Variants in AUTS2 observed in about 807,000 individuals in gnomAD.
AUTS2 encodes the protein autism susceptibility gene 2 protein.
In AUTS2, 17 loss-of-function variants were observed where a neutral mutation model predicts 112.4. That is an observed-to-expected ratio of 0.15 (90% CI 0.10 to 0.23). AUTS2 has a LOEUF of 0.23. AUTS2 is among the 10% of genes least tolerant of loss of function. The pLI, the probability that AUTS2 is intolerant of heterozygous loss-of-function variation, is 1.00. For synonymous variants in AUTS2, 751 were observed against 702.7 expected (o/e 1.07, Z -1.09); for missense variants, 1,510 against 1,701.6 (o/e 0.89, Z 1.98).
chr7:70,580,083 C>T (rs891950602), intron 5 of AUTS2, among the ~76,000 whole-genome samples: 4 of 152,094 alleles, frequency 2.6e-5, no homozygotes, highest in East Asian at 1.9e-4. Flanking sequence ...TGCCTTCGAA[C>T]GTAACCAGCA....
chr7:69,965,841 C>T (rs144868238), intron 2 of AUTS2, among the ~76,000 whole-genome samples: 2 of 152,212 alleles, frequency 1.3e-5, no homozygotes, highest in East Asian at 3.9e-4. Context: ...ATGCAGATCT[C>T]GTAAGACACA....
At chr7:70,452,237 C>T (rs747407187) in intron 5 of AUTS2, among the ~76,000 whole-genome samples, 2 of 152,112 alleles carry the variant, frequency 1.3e-5, no homozygotes. Context: ...GTAATCCCAG[C>T]ACTTTGGGAG....
chr7:70,594,965 G>T (rs938541819), intron 5 of AUTS2, among the ~76,000 whole-genome samples: 10 of 152,178 alleles, frequency 6.6e-5, no homozygotes, highest in African/African-American at 2.4e-4. Flanking sequence ...GTCGGGCGTG[G>T]TGGCACATGC....
Position 70,791,720 on chromosome 7 carries a change from T to C in AUTS2, c.*724T>C, listed in dbSNP as rs1034490351. ...AACAAGCGCTTACGTGATATGACTC[T>C]GTTTTCCTTGCTTGTTTTTTTTCAA... is the stretch of plus-strand genomic sequence containing the variant. On this transcript the variant is annotated 3_prime_UTR_variant, in exon 19 of 19. Coordinates refer to ENST00000342771, the MANE Select transcript of AUTS2 (RefSeq NM_015570.4). 4.6e-5 allele frequency: 7 copies of C among 152,582 alleles called. No individual in the cohort carries two copies. Among genetic ancestry groups the C allele is most frequent in the African/African-American group, 1.7e-4 (7 of 41,576 alleles). 9.5% of individuals were successfully genotyped at this position (152,582 alleles called of 1,614,324 possible). A position where few individuals can be genotyped will look rare whatever the true frequency, so the allele number is the denominator to read the frequency against.
At chr7:70,754,934 C>T (rs925355883) in intron 6 of AUTS2, among the ~76,000 whole-genome samples, 4 of 152,074 alleles carry the variant, frequency 2.6e-5, no homozygotes, top group African/African-American at 4.8e-5. Flanking sequence ...TAGGAGACTT[C>T]GTAACAGAAT....
chr7:70,502,816 C>T (rs1231274977), intron 5 of AUTS2, among the ~76,000 whole-genome samples: 4 of 152,146 alleles, frequency 2.6e-5, no homozygotes, highest in Admixed American at 6.5e-5. Context: ...TGTTCTGAAG[C>T]GGATGTGTTT....
At position 70,781,696 on chromosome 7, in the gene AUTS2, T is replaced by C. The variant is rs1791094362; in HGVS notation, c.2086T>C (p.Phe696Leu). Residue 696 changes from phenylalanine to leucine, a missense_variant, in exon 15 of 19, where the codon TTT (phenylalanine) becomes CTT (leucine). This residue lies in a region of AUTS2 where 187 missense variants were observed against 309.7 expected (regional missense o/e 0.60). Coordinates refer to ENST00000342771, the MANE Select transcript of AUTS2 (RefSeq NM_015570.4). ...GAGCCGCCCTCCAGGCCCCAGTCTT[T>C]TTGGAGCCATCCACCACCCCCATGA... Reference protein sequence around the residue: ...FLSRPPGPSLFGAIHHPHDLA... With the variant: ...FLSRPPGPSLLGAIHHPHDLA... 1 of 1,614,044 alleles carries C rather than the reference T, an allele frequency of 6.2e-7. No homozygotes were observed. Among genetic ancestry groups the C allele is most frequent in the South Asian group, 1.1e-5 (1 of 91,088 alleles).
chr7:69,922,386 A>G (rs1051640405), intron 2 of AUTS2, among the ~76,000 whole-genome samples: 2 of 152,246 alleles, frequency 1.3e-5, no homozygotes, highest in African/African-American at 4.8e-5. Flanking sequence ...TTTATCTGCT[A>G]AAACAGGTAG....
At chr7:70,050,718 G>C (rs1308472791) in intron 2 of AUTS2, among the ~76,000 whole-genome samples, 1 of 152,180 alleles carries the variant, frequency 6.6e-6, no homozygotes, top group Non-Finnish European at 1.5e-5. Context: ...ATTGAAGCCA[G>C]GCGCGGTGGC....
intron 5 of AUTS2, among the ~76,000 whole-genome samples, chr7:70,640,033 T>A: frequency 6.6e-6 from 1 of 152,132 alleles, no homozygotes; most frequent in Non-Finnish European, 1.5e-5. Context: ...TGGCTGAGCC[T>A]TTTTAGGGAT....
intron 9 of AUTS2, 111 bp from the exon 10 acceptor site, chr7:70,767,913 T>TG (rs778744395): frequency 2.6e-5 from 26 of 981,270 alleles, no homozygotes; most frequent in African/African-American, 1.6e-4. Context: ...AATGAGGTTA[T>TG]GGGGTCTCAT....
chr7:70,711,516 G>A (rs993871491), intron 6 of AUTS2, among the ~76,000 whole-genome samples: 1 of 152,118 alleles, frequency 6.6e-6, no homozygotes, highest in Non-Finnish European at 1.5e-5. Flanking sequence ...ACAAATAATT[G>A]GGTGAAACAA....
chr7:70,172,349 C>T (rs938521207), intron 4 of AUTS2, among the ~76,000 whole-genome samples: 22 of 152,194 alleles, frequency 1.4e-4, no homozygotes, highest in Non-Finnish European at 2.5e-4. Flanking sequence ...CGAGGATTTG[C>T]AAGGTTTCTG....
At position 70,117,104 on chromosome 7, in the gene AUTS2, G is replaced by GTTTTGTTTTTTTTTTTTTTTTTT. The variant is rs1562710088; in HGVS notation, c.523-1024_523-1023insGTTTTTTTTTTTTTTTTTTTTTT. 3.8e-5 allele frequency among the ~76,000 whole-genome samples: 3 copies of GTTTTGTTTTTTTTTTTTTTTTTT among 78,460 alleles called. 1 individual carries two copies. The highest frequency in any genetic ancestry group is 8.1e-5 in the Non-Finnish European group (3 of 36,880). The allele number at this position is 78,460 out of a possible 152,430, so 51.5% of individuals were successfully genotyped here. The stretch of plus-strand genomic sequence containing the variant: ...ACGTAAACTTCATGAGATGACTTTT[G>GTTTTGTTTTTTTTTTTTTTTTTT]TTTTTTTTTTTTGTTTTTTTTTGTT... On this transcript the variant is annotated intron_variant, in intron 2 of 18. Coordinates refer to ENST00000342771, the MANE Select transcript of AUTS2 (RefSeq NM_015570.4).
chr7:69,703,008 A>G (rs1797887880), intron 1 of AUTS2, among the ~76,000 whole-genome samples: 1 of 152,208 alleles, frequency 6.6e-6, no homozygotes, highest in African/African-American at 2.4e-5. Context: ...GTGCAAAATA[A>G]TTGAAGTTTT....
chr7:70,694,664 C>T lies in AUTS2; in HGVS notation c.691-3905C>T, dbSNP rs1341021067. 6.8e-6 allele frequency: 1 copy of T among 147,820 alleles called. No individual in the cohort carries two copies. Among genetic ancestry groups the T allele is most frequent in the Non-Finnish European group, 1.5e-5 (1 of 66,506 alleles). The allele number at this position is 147,820 out of a possible 1,614,324, so 9.2% of individuals were successfully genotyped here. A position where few individuals can be genotyped will look rare whatever the true frequency, so the allele number is the denominator to read the frequency against. Reference sequence around the variant, plus strand: ...CGGCCCGGGACGCGCCTTGTTAGCCCCCGCCGCGCCAGCGCGGCCCCGCGC... The same window carrying T: ...CGGCCCGGGACGCGCCTTGTTAGCCTCCGCCGCGCCAGCGCGGCCCCGCGC... On this transcript the variant is annotated intron_variant, in intron 5 of 18. Transcript: ENST00000342771. This position sits in a 1 kb window ranked among gnomAD's most constrained non-coding sequence, Gnocchi z 4.1.
intron 16 of AUTS2, chr7:70,785,562 A>G (rs764882291): frequency 7.0e-5 from 32 of 460,276 alleles, no homozygotes; most frequent in African/African-American, 4.2e-4. Context: ...ATCAGGGCAT[A>G]TCATAGGCAC....
At chr7:69,843,214 G>C (rs1175849091) in intron 1 of AUTS2, among the ~76,000 whole-genome samples, 1 of 152,128 alleles carries the variant, frequency 6.6e-6, no homozygotes, top group African/African-American at 2.4e-5. Context: ...ACCTGCAAGA[G>C]GTGGTCAGGA....
intron 1 of AUTS2, among the ~76,000 whole-genome samples, chr7:69,756,591 C>CT (rs11458017): frequency 0.71 from 106,731 of 149,808 alleles, 37,968 homozygotes; most frequent in East Asian, 0.78. Flanking sequence ...TTTATTGTAT[C>CT]TTTTTTTTTT....
Sources: allele counts gnomAD v4.1 joint callset (sites outside exome capture counted in the v4.1 genomes callset), GRCh38; gene constraint gnomAD v4.1.1; regional missense constraint gnomAD v4.1.1; non-coding constraint Gnocchi (gnomAD v3.1); transcripts MANE v1.5; gene names NCBI Gene and HGNC (gene_info 2026-07-23, HGNC 2026-07-21).